The following DCX variants were observed in gnomAD, a reference collection of about 807,000 sequenced individuals.
The protein encoded by DCX is doublecortin.
DCX carries 4 observed loss-of-function variants against 20.9 expected under a neutral mutation model. The ratio of observed to expected loss-of-function variants is 0.19; its 90% confidence interval spans 0.09 to 0.44. The LOEUF is 0.44. Ranked by LOEUF, DCX falls within the 20% of genes least tolerant of loss-of-function variation. The pLI is 0.99. For missense variants in DCX, 133 were observed against 296.9 expected (o/e 0.45, Z 4.06); for synonymous variants, 103 against 111.4 (o/e 0.92, Z 0.47).
chrX:111,311,865 G>C (rs185339680), intron 6 of DCX, among the ~76,000 whole-genome samples: 82 of 112,149 alleles, frequency 7.3e-4, no homozygotes, highest in African/African-American at 2.6e-3. Flanking sequence ...TTATGAGCAG[G>C]AGAAAGATTA....
chrX:111,396,323 T>C (rs773142392), intron 3 of DCX, among the ~76,000 whole-genome samples: 1 of 111,898 alleles, frequency 8.9e-6, no homozygotes, highest in Non-Finnish European at 1.9e-5. Flanking sequence ...TCCTTCCAAT[T>C]GAAAATTGGC....
intron 3 of DCX, among the ~76,000 whole-genome samples, chrX:111,379,457 A>G (rs1343685749): frequency 1.8e-5 from 2 of 111,853 alleles, no homozygotes; most frequent in Non-Finnish European, 3.8e-5. Flanking sequence ...TAATATAAAC[A>G]GAGTCATAAA....
chrX:111,410,877 TGAA>T (rs1928654570), intron 1 of DCX: 2 of 1,209,301 alleles, frequency 1.7e-6, no homozygotes, highest in Non-Finnish European at 2.2e-6. Context: ...AAATTCCCCT[TGAA>T]GAGAACAGAA....
At chrX:111,393,744 A>T (rs1308008595) in intron 3 of DCX, among the ~76,000 whole-genome samples, 2 of 111,504 alleles carry the variant, frequency 1.8e-5, no homozygotes, top group Non-Finnish European at 3.8e-5. Flanking sequence ...GTGTGATATC[A>T]TTAATCATTA....
chrX:111,332,671 G>A (rs1921360755), intron 4 of DCX, among the ~76,000 whole-genome samples: 1 of 112,033 alleles, frequency 8.9e-6, no homozygotes, highest in South Asian at 3.7e-4. Flanking sequence ...ATAATCACAA[G>A]CTAAATAGTT....
chrX:111,335,606 C>A (rs749276566), intron 3 of DCX, among the ~76,000 whole-genome samples: 2 of 112,437 alleles, frequency 1.8e-5, no homozygotes, highest in Admixed American at 1.9e-4. Context: ...CTATTCTTCA[C>A]GTAACTATGC....
chrX:111,397,293 A>G (rs1400737587), intron 3 of DCX, among the ~76,000 whole-genome samples: 1 of 111,843 alleles, frequency 8.9e-6, no homozygotes, highest in Non-Finnish European at 1.9e-5. Context: ...AAATCATTCC[A>G]TAACAAATAG....
At chrX:111,379,232 G>A (rs370555844) in intron 3 of DCX, among the ~76,000 whole-genome samples, 6 of 111,431 alleles carry the variant, frequency 5.4e-5, no homozygotes, top group East Asian at 5.7e-4. Context: ...TATATACCAC[G>A]CAATTCACCC....
chrX:111,379,293 A>G (rs946711623), intron 3 of DCX, among the ~76,000 whole-genome samples: 10 of 111,777 alleles, frequency 8.9e-5, no homozygotes, highest in African/African-American at 3.2e-4. Context: ...GAGTTGTGCA[A>G]CTATCACTGC....
chrX:111,318,194 A>AT (rs1217531747), intron 5 of DCX, among the ~76,000 whole-genome samples: 5 of 105,657 alleles, frequency 4.7e-5, no homozygotes, highest in African/African-American at 1.7e-4. Context: ...CAAAAAAAAA[A>AT]AAAAAAAAAA....
intron 5 of DCX, among the ~76,000 whole-genome samples, chrX:111,316,095 A>ATAAAT (rs1259677362): frequency 1.0e-5 from 1 of 100,232 alleles, no homozygotes; most frequent in African/African-American, 4.1e-5. Context: ...ATAAAAAAAA[A>ATAAAT]AAAAAAAAAA....
At chrX:111,305,083 A>G (rs1020925312) in intron 6 of DCX, among the ~76,000 whole-genome samples, 3 of 111,855 alleles carry the variant, frequency 2.7e-5, no homozygotes, top group Non-Finnish European at 3.8e-5. Context: ...TATCCTATTC[A>G]TTCAAAATTA....
intron 1 of DCX, chrX:111,411,289 A>C: frequency 3.8e-6 from 1 of 262,549 alleles, no homozygotes; most frequent in Non-Finnish European, 6.6e-6. Flanking sequence ...ACACCTCTTA[A>C]TGGAATAATT....
intron 6 of DCX, among the ~76,000 whole-genome samples, chrX:111,306,895 T>C (rs766646772): frequency 2.7e-5 from 3 of 111,330 alleles, no homozygotes; most frequent in Admixed American, 1.9e-4. Flanking sequence ...CCAAAACTTA[T>C]AGGATTCAGC....
At chrX:111,371,933 TACAC>T (rs56304092) in intron 3 of DCX, among the ~76,000 whole-genome samples, 6,789 of 96,804 alleles carry the variant, frequency 0.07, 432 homozygotes, top group African/African-American at 0.2. Context: ...GATATATGTG[TACAC>T]ACACACACAC....
At position 111,294,752 on chromosome X, in the gene DCX, A is replaced by G. The variant is rs1471311799; in HGVS notation, c.*6935T>C. 8.9e-6 allele frequency: 1 copy of G among 111,991 alleles called. No individual in the cohort carries two copies. The highest frequency in any genetic ancestry group is 3.3e-5 in the African/African-American group (1 of 30,691). 9.2% of individuals were successfully genotyped at this position (111,991 alleles called of 1,213,427 possible). ...GAAGAATATATTCTTTTCAGAGGTT[A>G]AAACGAGTTAAGAAATGTGATGTAC... On this transcript the variant is annotated 3_prime_UTR_variant, in exon 7 of 7. Coordinates refer to ENST00000636035, the MANE Select transcript of DCX (RefSeq NM_001195553.2).
intron 6 of DCX, among the ~76,000 whole-genome samples, chrX:111,310,566 G>C (rs777442275): frequency 9.0e-6 from 1 of 111,231 alleles, no homozygotes; most frequent in East Asian, 2.8e-4. Flanking sequence ...TAAAAATAAA[G>C]AGCTTTAAAA....
chrX:111,316,086 TAAAA>T (rs754058802), intron 5 of DCX, among the ~76,000 whole-genome samples: 1 of 50,659 alleles, frequency 2.0e-5, no homozygotes, highest in African/African-American at 8.0e-5. Context: ...TAATAAAAAA[TAAAA>T]AAAAAAAAAA....
At chrX:111,315,102 G>A (rs1308667192) in intron 5 of DCX, among the ~76,000 whole-genome samples, 6 of 109,312 alleles carry the variant, frequency 5.5e-5, no homozygotes, top group South Asian at 3.9e-4. Flanking sequence ...TAGGTTTAAC[G>A]TTTAAATCTT....
Sources: gnomAD v4.1 joint callset for allele counts (sites outside exome capture counted in the v4.1 genomes callset) on GRCh38, gnomAD v4.1.1 for gene constraint, MANE v1.5 for transcripts, NCBI Gene and HGNC (gene_info 2026-07-23, HGNC 2026-07-21) for gene names.